The following TLR6 variants were observed in gnomAD, a reference collection of about 807,000 sequenced individuals.
TLR6 encodes the protein toll like receptor 6, also known as toll-like receptor 6.
TLR6 carries 9 observed loss-of-function variants against 16.1 expected under a neutral mutation model. That is an observed-to-expected ratio of 0.56 (90% CI 0.34 to 0.98). The LOEUF (loss-of-function observed/expected upper bound fraction) is 0.98, where lower values mean the gene tolerates loss of function less well. Ranked by LOEUF, TLR6 falls within the 50% of genes least tolerant of loss-of-function variation. The pLI is 0.02. For missense variants in TLR6, 786 were observed against 921.0 expected (o/e 0.85, Z 1.90); for synonymous variants, 340 against 338.6 (o/e 1.00, Z -0.04).
the TLR6 span, chr4:38,867,807 C>T: frequency 6.6e-6 from 1 of 152,240 alleles, no homozygotes; most frequent in South Asian, 1.9e-4. Context: ...CCGCTGGGCA[C>T]TCCCGCGCGT....
chr4:38,840,095 G>T (rs963798365), intron 1 of TLR6, among the ~76,000 whole-genome samples: 1 of 152,180 alleles, frequency 6.6e-6, no homozygotes, highest in Admixed American at 6.5e-5. Flanking sequence ...ATTTCAAGGT[G>T]TTACCAATAA....
the TLR6 span, among the ~76,000 whole-genome samples, chr4:38,865,131 T>C: frequency 4.6e-5 from 7 of 152,236 alleles, no homozygotes; most frequent in African/African-American, 1.7e-4. Flanking sequence ...AACATTTTTT[T>C]CTTTGCAAAG....
chr4:38,840,203 A>G (rs1291608166), intron 1 of TLR6, among the ~76,000 whole-genome samples: 1 of 152,252 alleles, frequency 6.6e-6, no homozygotes, highest in African/African-American at 2.4e-5. Flanking sequence ...TTAGTTTAAA[A>G]ATACATTATT....
chr4:38,839,112 A>T (rs115042677), intron 1 of TLR6, among the ~76,000 whole-genome samples: 1 of 104,074 alleles, frequency 9.6e-6, no homozygotes. Flanking sequence ...GGGGAGGCAA[A>T]GGGAGGGGAG....
chr4:38,844,657 T>G (rs1163129713), intron 1 of TLR6, among the ~76,000 whole-genome samples: 2 of 152,216 alleles, frequency 1.3e-5, no homozygotes, highest in African/African-American at 4.8e-5. Context: ...AAATCAATTG[T>G]TTTTTAGGTC....
At chr4:38,846,088 C>CAAAAAAAAAAAAAAAAAAAAA (rs10713614) in intron 1 of TLR6, among the ~76,000 whole-genome samples, 1 of 97,042 alleles carries the variant, frequency 1.0e-5, no homozygotes. Context: ...CGAGACATCT[C>CAAAAAAAAAAAAAAAAAAAAA]AAAAAAAAAA....
chr4:38,865,757 C>T, the TLR6 span, among the ~76,000 whole-genome samples: 2 of 152,334 alleles, frequency 1.3e-5, no homozygotes, highest in East Asian at 1.9e-4. Context: ...TTCAAAGTCT[C>T]GCTCAATTCA....
At chr4:38,853,236 G>C (rs958001448) in intron 1 of TLR6, among the ~76,000 whole-genome samples, 2 of 125,704 alleles carry the variant, frequency 1.6e-5, no homozygotes, top group Non-Finnish European at 3.3e-5. Context: ...GTCGTGGGGT[G>C]GGGGGAGGGG....
chr4:38,853,181 G>C (rs1427093535), intron 1 of TLR6, among the ~76,000 whole-genome samples: 1 of 141,702 alleles, frequency 7.1e-6, no homozygotes, highest in Non-Finnish European at 1.5e-5. Flanking sequence ...AATGAACAAT[G>C]AGAACTCTTG....
At chr4:38,858,798 A>G (rs1187780825), upstream of TLR6, among the ~76,000 whole-genome samples, 9 of 108,918 alleles carry the variant, frequency 8.3e-5, no homozygotes, top group Admixed American at 2.6e-4. Context: ...AGAGGGAGAG[A>G]GAGAGAGAGA....
At chr4:38,859,416 TGTG>T (rs1713146499), upstream of TLR6, among the ~76,000 whole-genome samples, 1 of 152,206 alleles carries the variant, frequency 6.6e-6, no homozygotes, top group Non-Finnish European at 1.5e-5. Context: ...CCACACAGTC[TGTG>T]GTGATTTGTC....
chr4:38,824,514 A>G (rs183697322), exon 2 of TLR6: 140 of 152,358 alleles, frequency 9.2e-4, no homozygotes, highest in African/African-American at 3.2e-3. Context: ...GGAAACATTG[A>G]TACCATTTAA....
upstream of TLR6, among the ~76,000 whole-genome samples, chr4:38,858,824 AGAGAGAGG>A (rs1560274635): frequency 8.9e-6 from 1 of 112,522 alleles, no homozygotes; most frequent in Admixed American, 9.3e-5. Context: ...GGAGAGAGAG[AGAGAGAGG>A]AAGAAAGAAA....
intron 1 of TLR6, among the ~76,000 whole-genome samples, chr4:38,838,597 G>T (rs1712057197): frequency 6.6e-6 from 1 of 152,146 alleles, no homozygotes; most frequent in Non-Finnish European, 1.5e-5. Flanking sequence ...AGAGGTGAGT[G>T]AGGGAATGAA....
At chr4:38,861,512 C>T (rs1249846858), upstream of TLR6, among the ~76,000 whole-genome samples, 1 of 152,202 alleles carries the variant, frequency 6.6e-6, no homozygotes, top group Non-Finnish European at 1.5e-5. Flanking sequence ...CCATCCTCTT[C>T]ATTATTCTTC....
At chr4:38,827,097 C>T in exon 2 of TLR6, 1 of 1,582,190 alleles carries the variant, frequency 6.3e-7, no homozygotes, top group Non-Finnish European at 8.6e-7. Context: ...GATTTCACAT[C>T]ATTGTTTTCA....
At chr4:38,823,260 G>A (rs1727397449), downstream of TLR6, among the ~76,000 whole-genome samples, 7 of 152,156 alleles carry the variant, frequency 4.6e-5, no homozygotes, top group Admixed American at 3.9e-4. Context: ...CCCTTGCTAT[G>A]TTTAGATATG....
chr4:38,860,019 G>A (rs1357549175), upstream of TLR6, among the ~76,000 whole-genome samples: 2 of 151,982 alleles, frequency 1.3e-5, no homozygotes, highest in African/African-American at 4.8e-5. Flanking sequence ...TACAGACACA[G>A]GCAAAACATT....
At chr4:38,833,503 G>A (rs1034323218) in intron 1 of TLR6, among the ~76,000 whole-genome samples, 2 of 152,064 alleles carry the variant, frequency 1.3e-5, no homozygotes, top group Non-Finnish European at 2.9e-5. Flanking sequence ...CAAAGCCAAA[G>A]CACCCTATAC....
Sources: gnomAD v4.1 joint callset for allele counts (sites outside exome capture counted in the v4.1 genomes callset) on GRCh38, gnomAD v4.1.1 for gene constraint, MANE v1.5 for transcripts, NCBI Gene and HGNC (gene_info 2026-07-23, HGNC 2026-07-21) for gene names.